MAPK4: variants seen among roughly 807,000 people sequenced by gnomAD.
MAPK4 encodes Erk3-related.
Under a neutral mutation model 47.7 loss-of-function variants are expected in MAPK4, and 22 were observed. The observed-to-expected ratio is 0.46, with a 90% CI of 0.33 to 0.66. MAPK4 has a LOEUF of 0.66. MAPK4 is among the 30% of genes least tolerant of loss of function. MAPK4 has a pLI of 0.02. For missense variants in MAPK4, 736 were observed against 831.7 expected (o/e 0.88, Z 1.42); for synonymous variants, 390 against 365.7 (o/e 1.07, Z -0.76).
chr18:50,697,779 A>G (rs1196950753), intron 2 of MAPK4, among the ~76,000 whole-genome samples: 1 of 152,142 alleles, frequency 6.6e-6, no homozygotes, highest in Non-Finnish European at 1.5e-5. Flanking sequence ...AGCCATCTGG[A>G]GATAGAAATG....
intron 1 of MAPK4, among the ~76,000 whole-genome samples, chr18:50,637,069 C>G (rs181812196): frequency 6.6e-6 from 1 of 151,872 alleles, no homozygotes; most frequent in African/African-American, 2.4e-5. Flanking sequence ...GAACACTGGA[C>G]GGGAGCTCAG....
Position 50,609,586 on chromosome 18 carries a change from A to G in MAPK4, c.-871+49343A>G, listed in dbSNP as rs1369164388. On this transcript the variant is annotated intron_variant, in intron 1 of 5. Coordinates refer to ENST00000400384, the MANE Select transcript of MAPK4 (RefSeq NM_002747.4). ...TTGCCACTATCGATTCTTGATGATC[A>G]TGAGGATGTCAGGTACTGTTCTTCT... 2.0e-5 allele frequency among the ~76,000 whole-genome samples: 3 copies of G among 152,294 alleles called. No individual in the cohort carries two copies. In the East Asian group the frequency reaches 5.8e-4, roughly 29 times the overall value.
intron 3 of MAPK4, among the ~76,000 whole-genome samples, chr18:50,717,825 G>A (rs1439687487): frequency 6.6e-6 from 1 of 152,170 alleles, no homozygotes. Context: ...TAGCTCATGG[G>A]CACTGCAGAC....
At chr18:50,666,434 G>T (rs988021549) in intron 2 of MAPK4, among the ~76,000 whole-genome samples, 1 of 152,190 alleles carries the variant, frequency 6.6e-6, no homozygotes, top group Admixed American at 6.5e-5. Flanking sequence ...AAAATTCCTT[G>T]GAAAGCAGTC....
intron 1 of MAPK4, among the ~76,000 whole-genome samples, chr18:50,621,714 G>A (rs1203672673): frequency 2.0e-5 from 3 of 152,208 alleles, no homozygotes; most frequent in Non-Finnish European, 4.4e-5. Context: ...GCCACCAGGA[G>A]CAAAACTTTT....
Position 50,729,374 on chromosome 18 carries a change from C to T in MAPK4, c.1284C>T (p.Cys428=). 2.5e-6 allele frequency: 4 copies of T among 1,572,804 alleles called. No homozygotes were observed. Among genetic ancestry groups the T allele is most frequent in the African/African-American group, 1.3e-5 (1 of 74,450 alleles). The change falls in exon 6 of 6, where the codon TGC becomes TGT. Residue 428 remains cysteine, a synonymous_variant. Transcript: ENST00000400384. ...TCGAGGCCGACTACGGGCGCTCCTG[C>T]GACTACAAGGTGGGGTCGCCGTCCT... ...RAFEADYGRS[C]DYKVGSPSYL...
chr18:50,605,900 G>T (rs916213965), intron 1 of MAPK4, among the ~76,000 whole-genome samples: 9 of 152,128 alleles, frequency 5.9e-5, no homozygotes, highest in Non-Finnish European at 1.2e-4. Context: ...GGCAGTCAGA[G>T]GGAAAGATAA....
chr18:50,669,745 AT>A (rs1907816239), intron 2 of MAPK4: 1 of 152,268 alleles, frequency 6.6e-6, no homozygotes, highest in Non-Finnish European at 1.5e-5. Context: ...TGGGTATGGT[AT>A]AATACAAGTT....
rs554956662 is a variant in MAPK4, at chr18:50,666,398, T to C, written c.546+1894T>C. 4.3e-4 allele frequency among the ~76,000 whole-genome samples: 65 copies of C among 152,306 alleles called. No individual in the cohort carries two copies. In the South Asian group the frequency reaches 0.013, roughly 31 times the overall value. ...TCTGTCTGCTCCTCTGGCTTATGGT[T>C]AAGAATCAAAATGATCCATGAATGT... is the stretch of plus-strand genomic sequence containing the variant. On this transcript the variant is annotated intron_variant, in intron 2 of 5. Transcript: ENST00000400384.
rs1907398214 is a variant in MAPK4, at chr18:50,663,496, C to T, written c.-463C>T. ...CTTTGGAGCATCTTAAGGAGCTCAG[C>T]TCAGCAAACAACTCTTGCATTTCAG... On this transcript the variant is annotated 5_prime_UTR_variant, in exon 2 of 6. Transcript: ENST00000400384. 1 of 155,452 alleles carries T rather than the reference C, an allele frequency of 6.4e-6. No homozygotes were observed. The highest frequency in any genetic ancestry group is 2.4e-5 in the African/African-American group (1 of 41,454). 9.6% of individuals were successfully genotyped at this position (155,452 alleles called of 1,614,324 possible). A position where few individuals can be genotyped will look rare whatever the true frequency, so the allele number is the denominator to read the frequency against.
chr18:50,715,048 G>C, intron 2 of MAPK4, 31 bp from the exon 3 acceptor site: 1 of 1,610,486 alleles, frequency 6.2e-7, no homozygotes, highest in Non-Finnish European at 8.5e-7. Flanking sequence ...AAAAATGACT[G>C]ATCAGTGGAA....
chr18:50,681,074 CT>C (rs539402408), intron 2 of MAPK4, among the ~76,000 whole-genome samples: 135 of 146,188 alleles, frequency 9.2e-4, no homozygotes, highest in Middle Eastern at 3.6e-3. Context: ...CTCACCAACA[CT>C]TTTTTTTTTT....
chr18:50,679,594 T>G (rs997512861), intron 2 of MAPK4, among the ~76,000 whole-genome samples: 1 of 152,036 alleles, frequency 6.6e-6, no homozygotes, highest in Non-Finnish European at 1.5e-5. Flanking sequence ...AAGGCCCCAC[T>G]GCTAATGAGA....
rs1911477667 is a variant in MAPK4 at position 50,730,090 on chromosome 18, C to T, written c.*236C>T. The stretch of plus-strand genomic sequence containing the variant: ...GCTTAGGGGTTGATCACTTTCCTAG[C>T]AAAGGGGAGACCACATGTGGTGCAC... On this transcript the variant is annotated 3_prime_UTR_variant, in exon 6 of 6. Coordinates refer to ENST00000400384, the MANE Select transcript of MAPK4 (RefSeq NM_002747.4). The T allele has an allele frequency of 2.4e-6, 1 of 414,980 alleles. No homozygotes were observed. Among genetic ancestry groups the T allele is most frequent in the South Asian group, 8.0e-5 (1 of 12,570 alleles). 25.7% of individuals were successfully genotyped at this position (414,980 alleles called of 1,614,324 possible).
At chr18:50,673,587 G>T (rs1908089096) in intron 2 of MAPK4, among the ~76,000 whole-genome samples, 1 of 152,178 alleles carries the variant, frequency 6.6e-6, no homozygotes, top group South Asian at 2.1e-4. Context: ...CGTCGCGGTG[G>T]CTCACGCCTG....
At chr18:50,706,588 A>C (rs533456054) in intron 2 of MAPK4, among the ~76,000 whole-genome samples, 1 of 152,230 alleles carries the variant, frequency 6.6e-6, no homozygotes, top group East Asian at 1.9e-4. Flanking sequence ...TTGACAGTTA[A>C]TGCATCTTAC....
At position 50,729,425 on chromosome 18, in the gene MAPK4, C is replaced by T; in HGVS notation, c.1335C>T (p.Asp445=). ...ACCTGGACAAGCTGCTGTGGCGCGA[C>T]AACAAGCCGCACCACTACTCGGAGC... ...PSYLDKLLWR[D]NKPHHYSEPK... is the part of the protein sequence containing the mutation. The change falls in exon 6 of 6, where the codon GAC becomes GAT. Residue 445 remains aspartate, a synonymous_variant. Coordinates refer to ENST00000400384, the MANE Select transcript of MAPK4 (RefSeq NM_002747.4). The T allele has an allele frequency of 1.3e-6, 2 of 1,546,430 alleles. No individual in the cohort carries two copies. Among genetic ancestry groups the T allele is most frequent in the South Asian group, 2.4e-5 (2 of 84,928 alleles).
At chr18:50,646,599 C>T (rs969663963) in intron 1 of MAPK4, among the ~76,000 whole-genome samples, 21 of 152,198 alleles carry the variant, frequency 1.4e-4, no homozygotes, top group African/African-American at 4.1e-4. Flanking sequence ...TGATCTCTGT[C>T]CCCAGGGCTC....
At chr18:50,625,108 G>T (rs9951088) in intron 1 of MAPK4, among the ~76,000 whole-genome samples, 25,670 of 152,142 alleles carry the variant, frequency 0.17, 2,236 homozygotes, top group African/African-American at 0.21. Flanking sequence ...GACACTGGTG[G>T]GGAGAAGCTG....
Sources: allele counts gnomAD v4.1 joint callset (sites outside exome capture counted in the v4.1 genomes callset), GRCh38; gene constraint gnomAD v4.1.1; transcripts MANE v1.5; gene names NCBI Gene and HGNC (gene_info 2026-07-23, HGNC 2026-07-21).